NPAS3: variants seen among roughly 807,000 people sequenced by gnomAD.
NPAS3 encodes neuronal PAS domain protein 3.
NPAS3 carries 14 observed loss-of-function variants against 73.1 expected under a neutral mutation model. That is an observed-to-expected ratio of 0.19 (90% CI 0.13 to 0.30). The LOEUF is 0.30. Among genes scored for constraint, NPAS3 ranks in the 10% least tolerant of loss-of-function variants. NPAS3 has a pLI of 1.00. For missense variants in NPAS3, 1,096 were observed against 1,250.0 expected (o/e 0.88, Z 1.86); for synonymous variants, 620 against 541.5 (o/e 1.14, Z -2.01).
chr14:33,711,803 C>T (rs188957120), intron 6 of NPAS3, among the ~76,000 whole-genome samples: 13 of 152,234 alleles, frequency 8.5e-5, no homozygotes, highest in Non-Finnish European at 1.3e-4. Flanking sequence ...AGGCCTGTGA[C>T]TCAGGGCAGT....
At chr14:33,748,126 A>C (rs2061858700) in intron 7 of NPAS3, among the ~76,000 whole-genome samples, 1 of 152,242 alleles carries the variant, frequency 6.6e-6, no homozygotes, top group African/African-American at 2.4e-5. Context: ...ATTAATTTAT[A>C]AATATTAGAC....
At chr14:33,160,764 G>C (rs552081448) in intron 2 of NPAS3, among the ~76,000 whole-genome samples, 27 of 150,546 alleles carry the variant, frequency 1.8e-4, no homozygotes, top group African/African-American at 6.6e-4. Flanking sequence ...TCACAGAACT[G>C]CAGGAACTTG....
chr14:33,555,248 G>C (rs2055300921), intron 4 of NPAS3, among the ~76,000 whole-genome samples: 1 of 152,168 alleles, frequency 6.6e-6, no homozygotes, highest in Non-Finnish European at 1.5e-5. Flanking sequence ...TCTGCTTTGA[G>C]GAAAGCAGAT....
chr14:33,060,400 G>A lies in NPAS3; in HGVS notation c.140+4406G>A, dbSNP rs139055981. ...CTAACGTTTATTGAGCACATGCTATGCCATTGTAATAGGCATGGCAGTACC... is the reference window on the plus strand; with the variant it reads ...CTAACGTTTATTGAGCACATGCTATACCATTGTAATAGGCATGGCAGTACC... On this transcript the variant is annotated intron_variant, in intron 2 of 11. Transcript: ENST00000356141. Among the ~76,000 whole-genome samples, 220 of 152,294 alleles carry A rather than the reference G, an allele frequency of 1.4e-3. 6 individuals carry two copies. The East Asian group carries it at 0.038, about 26-fold the overall frequency.
chr14:33,695,024 C>T (rs1219231220), intron 6 of NPAS3, among the ~76,000 whole-genome samples: 1 of 152,066 alleles, frequency 6.6e-6, no homozygotes, highest in African/African-American at 2.4e-5. Flanking sequence ...GGAATCCTAC[C>T]ACCACATCAG....
chr14:33,595,913 G>A (rs763342988), intron 5 of NPAS3, among the ~76,000 whole-genome samples: 11 of 152,084 alleles, frequency 7.2e-5, no homozygotes, highest in African/African-American at 2.2e-4. Context: ...CTCGTGATCC[G>A]ACCGCCTAGG....
intron 2 of NPAS3, among the ~76,000 whole-genome samples, chr14:33,204,492 T>G (rs2046747980): frequency 6.6e-6 from 1 of 152,146 alleles, no homozygotes; most frequent in Non-Finnish European, 1.5e-5. Flanking sequence ...GGACAGGATC[T>G]GAGAGCGTGG....
At chr14:32,939,604 G>C (rs1255012450) in intron 1 of NPAS3, among the ~76,000 whole-genome samples, 1 of 114,192 alleles carries the variant, frequency 8.8e-6, no homozygotes, top group Admixed American at 1.1e-4. Context: ...TCGGCTCGGC[G>C]AATAGAGTGA....
chr14:33,437,981 G>A (rs2049062660), intron 4 of NPAS3, among the ~76,000 whole-genome samples: 1 of 152,160 alleles, frequency 6.6e-6, no homozygotes, highest in Non-Finnish European at 1.5e-5. Flanking sequence ...ATTTAAGTTG[G>A]CTAGGAATTT....
intron 3 of NPAS3, among the ~76,000 whole-genome samples, chr14:33,298,547 A>G (rs772889801): frequency 7.9e-5 from 12 of 152,178 alleles, no homozygotes; most frequent in Non-Finnish European, 1.6e-4. Context: ...GAATAAATCA[A>G]TATTTTCAGA....
At chr14:33,782,953 A>G (rs1396135511) in intron 9 of NPAS3, among the ~76,000 whole-genome samples, 1 of 152,138 alleles carries the variant, frequency 6.6e-6, no homozygotes, top group Admixed American at 6.5e-5. Context: ...TAACCCCTAC[A>G]CTTCCCTCCT....
At chr14:33,177,158 G>A (rs893419185) in intron 2 of NPAS3, among the ~76,000 whole-genome samples, 10 of 149,948 alleles carry the variant, frequency 6.7e-5, no homozygotes, top group South Asian at 4.2e-4. Context: ...GTGCAGTGGC[G>A]CAGTCTCGAC....
chr14:33,674,416 C>G (rs2059697953), intron 5 of NPAS3, among the ~76,000 whole-genome samples: 1 of 152,218 alleles, frequency 6.6e-6, no homozygotes, highest in Non-Finnish European at 1.5e-5. Flanking sequence ...AATCTCCAAA[C>G]AAAATAACCA....
At chr14:33,311,695 G>T (rs913057849) in intron 3 of NPAS3, among the ~76,000 whole-genome samples, 8 of 152,032 alleles carry the variant, frequency 5.3e-5, no homozygotes, top group African/African-American at 1.9e-4. Flanking sequence ...TACCAAATTT[G>T]GACATAATAA....
chr14:32,939,257 C>G (rs2035858020), upstream of NPAS3: 1 of 679,214 alleles, frequency 1.5e-6, no homozygotes, highest in Non-Finnish European at 2.6e-6. Flanking sequence ...CCGCCCACGC[C>G]CCCCACCCGG....
intron 1 of NPAS3, among the ~76,000 whole-genome samples, chr14:32,969,988 G>A (rs371537168): frequency 5.9e-5 from 9 of 152,236 alleles, no homozygotes; most frequent in South Asian, 2.1e-4. Flanking sequence ...GCAAAGACTC[G>A]CTAGCTTCCA....
chr14:33,477,748 T>C (rs1182569093), intron 4 of NPAS3, among the ~76,000 whole-genome samples: 3 of 152,164 alleles, frequency 2.0e-5, no homozygotes, highest in African/African-American at 4.8e-5. Context: ...ATAGTAATAA[T>C]TTTTCACTAA....
At chr14:33,181,457 G>T (rs2045797615) in intron 2 of NPAS3, among the ~76,000 whole-genome samples, 1 of 152,114 alleles carries the variant, frequency 6.6e-6, no homozygotes, top group South Asian at 2.1e-4. Context: ...TGAGATAGTG[G>T]GACAATGAGT....
At chr14:33,406,615 G>T (rs899598328) in intron 4 of NPAS3, among the ~76,000 whole-genome samples, 1 of 152,062 alleles carries the variant, frequency 6.6e-6, no homozygotes, top group Non-Finnish European at 1.5e-5. Flanking sequence ...AAGCCAAATG[G>T]TCCTCTTCAT....
Sources: gnomAD v4.1 joint callset for allele counts (sites outside exome capture counted in the v4.1 genomes callset) on GRCh38, gnomAD v4.1.1 for gene constraint, MANE v1.5 for transcripts, NCBI Gene and HGNC (gene_info 2026-07-23, HGNC 2026-07-21) for gene names.